Variants in RYR1 observed in about 807,000 individuals in gnomAD.
RYR1 encodes ryanodine receptor 1.
Under a neutral mutation model 583.5 loss-of-function variants are expected in RYR1, and 342 were observed. That is an observed-to-expected ratio of 0.59 (90% CI 0.54 to 0.64). The LOEUF is 0.64. Ranked by LOEUF, RYR1 falls within the 30% of genes least tolerant of loss-of-function variation. The pLI, the probability that RYR1 is intolerant of heterozygous loss-of-function variation, is 0.00. For synonymous variants in RYR1, 2,791 were observed against 2,822.5 expected (o/e 0.99, Z 0.35); for missense variants, 6,032 against 6,917.2 (o/e 0.87, Z 4.54).
chr19:38,530,125 TG>T (rs1971665571), intron 76 of RYR1, among the ~76,000 whole-genome samples: 1 of 152,114 alleles, frequency 6.6e-6, no homozygotes, highest in Non-Finnish European at 1.5e-5. Context: ...AGCTAATTTT[TG>T]TATTTTTAGT....
At position 38,510,722 on chromosome 19, in the gene RYR1, G is replaced by A. The variant is rs200068725; in HGVS notation, c.9063G>A (p.Pro3021=). 6.7e-5 allele frequency: 108 copies of A among 1,613,850 alleles called. No individual in the cohort carries two copies. The highest frequency in any genetic ancestry group is 8.5e-5 in the Non-Finnish European group (100 of 1,180,016). The change falls in exon 60 of 106, where the codon CCG becomes CCA. Residue 3021 remains proline (P), a synonymous_variant. Coordinates refer to ENST00000359596, the MANE Select transcript of RYR1 (RefSeq NM_000540.3). ...TNHCLYFLST[P]AKVLGSGGHA... is the part of the protein sequence containing the mutation. ...ACTGCCTCTATTTCTTGTCCACTCC[G>A]GCTAAAGTGCTGGGCAGCGGTGGCC...
chr19:38,574,659 A>G (rs1973876267), intron 96 of RYR1, among the ~76,000 whole-genome samples: 1 of 152,102 alleles, frequency 6.6e-6, no homozygotes, highest in South Asian at 2.1e-4. Context: ...ACAAGTAGGA[A>G]TTGGAAGTGC....
In RYR1 at chr19:38,452,964, C is replaced by G; in HGVS notation, c.1390C>G (p.Gln464Glu). ...CGAGGACTTGCAGCACGAGGAGAAG[C>G]AGAGCAAGCTGCGAAGCCTGCGCAA... is the stretch of plus-strand genomic sequence containing the variant. ...PSEDLQHEEK[Q>E]SKLRSLRNRQ... The change falls in exon 13 of 106, where the codon CAG becomes GAG. Residue 464 changes from glutamine (Q) to glutamate (E), a missense_variant. Physicochemically the swap from Gln to Glu is conservative, Grantham distance 29. This residue lies in a region of RYR1 where 2,627 missense variants were observed against 2,961.3 expected (regional missense o/e 0.89). Transcript: ENST00000359596. 6.2e-7 allele frequency: 1 copy of G among 1,613,932 alleles called. No individual in the cohort carries two copies. Among genetic ancestry groups the G allele is most frequent in the Non-Finnish European group, 8.5e-7 (1 of 1,179,874 alleles).
At position 38,510,561 on chromosome 19, in the gene RYR1, C is replaced by G. The variant is rs374272827; in HGVS notation, c.8996C>G (p.Ala2999Gly). Residue 2999 changes from alanine to glycine, a missense_variant, in exon 59 of 106, where the codon GCC (alanine) becomes GGC (glycine). Coordinates refer to ENST00000359596, the MANE Select transcript of RYR1 (RefSeq NM_000540.3). ...SPHEQEIKFF[A>G]KILLPLINQY... ...CATGAACAGGAGATTAAATTCTTTG[C>G]CAAGGTGAGAGGTGGGCTTAGAAGC... 74 of 1,614,028 alleles carry G rather than the reference C, an allele frequency of 4.6e-5. No individual in the cohort carries two copies. The highest frequency in any genetic ancestry group is 6.2e-5 in the Non-Finnish European group (73 of 1,180,040).
At position 38,451,750 on chromosome 19, in the gene RYR1, C is replaced by G. The variant is rs759158383; in HGVS notation, c.1123-14C>G. 6.2e-7 allele frequency: 1 copy of G among 1,614,008 alleles called. No homozygotes were observed. The highest frequency in any genetic ancestry group is 1.1e-5 in the South Asian group (1 of 91,070). On this transcript the variant is annotated splice_polypyrimidine_tract_variant and intron_variant, in intron 11 of 105. Coordinates refer to ENST00000359596, the MANE Select transcript of RYR1 (RefSeq NM_000540.3). ...GGCTGGGCCCACTCCAGACCTCTGT[C>G]TCCCCACTCCTAGGCCATGCTGCAC...
intron 22 of RYR1, 44 bp downstream of exon 22, chr19:38,463,894 C>T (rs771760615): frequency 1.6e-5 from 21 of 1,316,250 alleles, no homozygotes; most frequent in East Asian, 1.5e-4. Context: ...GCTGCTGGTG[C>T]GGTGGGGGAG....
rs2915951 is a variant in RYR1, at chr19:38,504,870, T to C, written c.8190T>C (p.Asp2730=). 0.29 allele frequency: 464,916 copies of C among 1,613,742 alleles called. 71,185 individuals are homozygous for C. Among genetic ancestry groups the C allele is most frequent in the African/African-American group, 0.46 (34,636 of 74,862 alleles). The change falls in exon 51 of 106, where the codon GAT becomes GAC. Residue 2730 remains aspartate, a synonymous_variant. Coordinates refer to ENST00000359596, the MANE Select transcript of RYR1 (RefSeq NM_000540.3). ...AGGCAGAGAAAAAGGCCACAGTGGA[T>C]GCTGAAGGCAACTTTGATCCCCGGC... The part of the protein sequence containing the change: ...SSKAEKKATV[D]AEGNFDPRPV...
At chr19:38,488,853 G>A (rs1250310628) in intron 34 of RYR1, among the ~76,000 whole-genome samples, 1 of 152,214 alleles carries the variant, frequency 6.6e-6, no homozygotes, top group Non-Finnish European at 1.5e-5. Context: ...TGGGAGCTAT[G>A]CAGGCGTAGG....
intron 83 of RYR1, chr19:38,537,113 T>G (rs1972005765): frequency 4.7e-6 from 2 of 423,168 alleles, no homozygotes; most frequent in Non-Finnish European, 8.8e-6. Context: ...CGGTGTGGAG[T>G]GATCCCCACT....
intron 30 of RYR1, among the ~76,000 whole-genome samples, chr19:38,478,087 C>CT (rs1240347899): frequency 1.3e-5 from 2 of 151,360 alleles, no homozygotes; most frequent in African/African-American, 4.9e-5. Context: ...CCTCCTCCTC[C>CT]TCTTTATGCA....
In RYR1 at chr19:38,562,282, TC is replaced by T. The variant is rs151140935; in HGVS notation, c.12624+831del. 3.4e-3 allele frequency among the ~76,000 whole-genome samples: 524 copies of T among 152,102 alleles called. 1 individual carries two copies. The highest frequency in any genetic ancestry group is 0.012 in the African/African-American group (497 of 41,478). ...TGCCCAGCCCACAAATGCTTGAACA[TC>T]CCTCACACACTCGCTTGCCCCAAGG... On this transcript the variant is annotated intron_variant, in intron 90 of 105. Transcript: ENST00000359596.
At position 38,523,876 on chromosome 19, in the gene RYR1, G is replaced by A. The variant is rs201861807; in HGVS notation, c.10441-39G>A. ...GCCTGGGCTTCTCTGCGGGGCTGGG[G>A]TAACCCTTCTTGTCTCTGTCTGCGG... is the stretch of plus-strand genomic sequence containing the variant. On this transcript the variant is annotated intron_variant, in intron 69 of 105. Coordinates refer to ENST00000359596, the MANE Select transcript of RYR1 (RefSeq NM_000540.3). The A allele has an allele frequency of 5.0e-5, 81 of 1,613,986 alleles. No homozygotes were observed. In the East Asian group the frequency reaches 1.4e-3, roughly 28 times the overall value.
intron 31 of RYR1, among the ~76,000 whole-genome samples, chr19:38,480,395 C>T (rs1968950464): frequency 6.6e-6 from 1 of 152,054 alleles, no homozygotes; most frequent in South Asian, 2.1e-4. Context: ...CCTCCTGCCT[C>T]AGCCTCCCAA....
rs757929162 is a variant in RYR1, at chr19:38,444,617, G to T, written c.571G>T (p.Asp191Tyr). The T allele has an allele frequency of 1.2e-6, 2 of 1,614,020 alleles. No homozygotes were observed. The highest frequency in any genetic ancestry group is 1.7e-6 in the Non-Finnish European group (2 of 1,179,984). The change falls in exon 7 of 106, where the codon GAC (aspartate) becomes TAC (tyrosine). Residue 191 changes from aspartate to tyrosine, a missense_variant. Physicochemically the swap from Asp to Tyr is radical, Grantham distance 160 (BLOSUM62 -3). Transcript: ENST00000359596. This position sits in a 1 kb window ranked among gnomAD's most constrained non-coding sequence, Gnocchi z 5.1. The part of the protein sequence containing the change: ...LSTASGELQV[D>Y]ASFMQTLWNM... ...GACCGCCAGTGGGGAGCTCCAGGTTGACGCTTCCTTCATGCAGACACTATG... is the reference window on the plus strand; with the variant it reads ...GACCGCCAGTGGGGAGCTCCAGGTTTACGCTTCCTTCATGCAGACACTATG...
Position 38,496,651 on chromosome 19 carries a change from A to C in RYR1, c.6796+110A>C. The C allele has an allele frequency of 1.4e-6, 2 of 1,390,988 alleles. No individual in the cohort carries two copies. Among genetic ancestry groups the C allele is most frequent in the Non-Finnish European group, 2.0e-6 (2 of 985,308 alleles). The allele number at this position is 1,390,988 out of a possible 1,614,324, so 86.2% of individuals were successfully genotyped here. A position where few individuals can be genotyped will look rare whatever the true frequency, so the allele number is the denominator to read the frequency against. On this transcript the variant is annotated intron_variant, in intron 41 of 105. Coordinates refer to ENST00000359596, the MANE Select transcript of RYR1 (RefSeq NM_000540.3). The surrounding 1 kb of genome is among the most constrained non-coding windows in gnomAD (Gnocchi z 4.8). The stretch of plus-strand genomic sequence containing the variant: ...CTCATTCAACAAACACTCCCTCTCA[A>C]CTGTGGTTCTGGCCCTGTAATGAGT...
intron 90 of RYR1, among the ~76,000 whole-genome samples, chr19:38,562,438 C>T (rs1161070834): frequency 6.6e-6 from 1 of 152,120 alleles, no homozygotes; most frequent in Non-Finnish European, 1.5e-5. Context: ...CTTGCACACA[C>T]ACTTGCTTGT....
chr19:38,524,045 C>T, intron 70 of RYR1, 116 bp downstream of exon 70: 1 of 1,141,250 alleles, frequency 8.8e-7, no homozygotes, highest in South Asian at 1.3e-5. Flanking sequence ...CCCCGTCCTC[C>T]CCTCCCAGCC....
At position 38,466,272 on chromosome 19, in the gene RYR1, C is replaced by G. The variant is rs143331857; in HGVS notation, c.3052C>G (p.Pro1018Ala). 1.9e-5 allele frequency: 30 copies of G among 1,612,936 alleles called. No individual in the cohort carries two copies. The highest frequency in any genetic ancestry group is 2.5e-5 in the Non-Finnish European group (30 of 1,179,902). ...GCAGGACATCCCAGCGCGCCGAAAC[C>G]CTCGGCTGGTGCCCTACCGCCTGCT... ...AVQDIPARRNPRLVPYRLLDE... is the reference protein window; with the variant it reads ...AVQDIPARRNARLVPYRLLDE... The change falls in exon 24 of 106, where the codon CCT (proline) becomes GCT (alanine). Residue 1018 changes from proline to alanine, a missense_variant. Around this residue, in one of 11 missense-constraint regions of RYR1, gnomAD observed 2,627 missense variants for 2,961.3 expected, o/e 0.89. Transcript: ENST00000359596.
chr19:38,562,101 C>G lies in RYR1; in HGVS notation c.12624+647C>G, dbSNP rs554872239. Among the ~76,000 whole-genome samples, 27 of 152,260 alleles carry G rather than the reference C, an allele frequency of 1.8e-4. No homozygotes were observed. In the South Asian group the frequency reaches 3.1e-3, roughly 18 times the overall value. On this transcript the variant is annotated intron_variant, in intron 90 of 105. Coordinates refer to ENST00000359596, the MANE Select transcript of RYR1 (RefSeq NM_000540.3). ...GATGCCAATGAGCCCTCTCAGAACC[C>G]TGGCATGCTTCATTTGTTCACTGTC...
Sources: gnomAD v4.1 joint callset for allele counts (sites outside exome capture counted in the v4.1 genomes callset) on GRCh38, gnomAD v4.1.1 for gene constraint, gnomAD v4.1.1 regional missense constraint, Gnocchi (gnomAD v3.1) non-coding constraint, MANE v1.5 for transcripts, NCBI Gene and HGNC (gene_info 2026-07-23, HGNC 2026-07-21) for gene names.